Variants in ALKBH8 observed in about 807,000 individuals in gnomAD.
The protein encoded by ALKBH8 is tRNA (carboxymethyluridine(34)-5-O)-methyltransferase ALKBH8.
A neutral mutation model predicts 59.8 loss-of-function variants in ALKBH8; 36 were observed. The observed-to-expected ratio is 0.60, with a 90% CI of 0.46 to 0.79. The LOEUF is 0.79. Among genes scored for constraint, ALKBH8 ranks in the 30% least tolerant of loss-of-function variants. The pLI is 0.00. For missense variants in ALKBH8, 768 were observed against 801.0 expected, an observed-to-expected ratio of 0.96 and a Z score of 0.50; for synonymous variants, 276 against 273.6, an observed-to-expected ratio of 1.01 and a Z score of -0.09.
chr11:107,511,904 C>G (rs1305171307), intron 10 of ALKBH8, among the ~76,000 whole-genome samples: 1 of 151,972 alleles, frequency 6.6e-6, no homozygotes. Context: ...TAAAGCTACT[C>G]TTTTTCTGCT....
intron 1 of ALKBH8, 38 bp downstream of exon 1, chr11:107,565,563 T>A: frequency 6.5e-7 from 1 of 1,535,628 alleles, no homozygotes; most frequent in South Asian, 1.2e-5. Flanking sequence ...AGCGGTGATT[T>A]GCTGCCCGTA....
rs1862275284 is a variant in ALKBH8, at chr11:107,504,010, T to C, written c.*648A>G. 6.5e-6 allele frequency: 1 copy of C among 152,732 alleles called. No homozygotes were observed. Among genetic ancestry groups the C allele is most frequent in the Admixed American group, 6.5e-5 (1 of 15,286 alleles). The allele number at this position is 152,732 out of a possible 1,614,324, so 9.5% of individuals were successfully genotyped here. A position where few individuals can be genotyped will look rare whatever the true frequency, so the allele number is the denominator to read the frequency against. ...CTCCCCGTCTAGAATGTAAGCACCATAAGGGCAAGAGCTTTGCTCTTTCTT... is the reference window on the plus strand; with the variant it reads ...CTCCCCGTCTAGAATGTAAGCACCACAAGGGCAAGAGCTTTGCTCTTTCTT... On this transcript the variant is annotated 3_prime_UTR_variant, in exon 12 of 12. Coordinates refer to ENST00000428149, the MANE Select transcript of ALKBH8 (RefSeq NM_138775.3).
rs190120362 is a variant in ALKBH8 at position 107,562,845 on chromosome 11, G to C, written c.-6-1946C>G. The C allele has an allele frequency of 6.6e-5, 10 of 152,270 alleles. No individual in the cohort carries two copies. In the East Asian group the frequency reaches 1.4e-3, roughly 21 times the overall value. The allele number at this position is 152,270 out of a possible 1,614,324, so 9.4% of individuals were successfully genotyped here. A position where few individuals can be genotyped will look rare whatever the true frequency, so the allele number is the denominator to read the frequency against. On this transcript the variant is annotated intron_variant, in intron 1 of 11. Coordinates refer to ENST00000428149, the MANE Select transcript of ALKBH8 (RefSeq NM_138775.3). ...GGGGCAACAGAAAGAAGCGAAATAGGGGGAGAGGAGAAAGAGGAAGGGTGA... is the reference window on the plus strand; with the variant it reads ...GGGGCAACAGAAAGAAGCGAAATAGCGGGAGAGGAGAAAGAGGAAGGGTGA...
At chr11:107,565,574 T>G in intron 1 of ALKBH8, 27 bp downstream of exon 1, 1 of 1,535,668 alleles carries the variant, frequency 6.5e-7, no homozygotes, top group South Asian at 1.2e-5. Context: ...GCTGCCCGTA[T>G]GCCCGCCAGT....
At position 107,562,180 on chromosome 11, in the gene ALKBH8, T is replaced by A. The variant is rs187126805; in HGVS notation, c.-6-1281A>T. ...CACGTGTGGTGGTGGGCACCTGTAG[T>A]CCCAACTACTTGGGAGGCTGAGGCA... On this transcript the variant is annotated intron_variant, in intron 1 of 11. Coordinates refer to ENST00000428149, the MANE Select transcript of ALKBH8 (RefSeq NM_138775.3). Among the ~76,000 whole-genome samples, 417 of 151,790 alleles carry A rather than the reference T, an allele frequency of 2.7e-3. 3 individuals are homozygous for A. The highest frequency in any genetic ancestry group is 9.9e-3 in the African/African-American group (408 of 41,350).
chr11:107,521,565 G>A (rs1296401805), intron 10 of ALKBH8, among the ~76,000 whole-genome samples: 2 of 151,836 alleles, frequency 1.3e-5, no homozygotes, highest in East Asian at 1.9e-4. Context: ...CTAGAGAAAC[G>A]GAAGCTCCAG....
chr11:107,549,920 T>A (rs552042788), intron 6 of ALKBH8, 97 bp from the exon 7 acceptor site: 2 of 837,190 alleles, frequency 2.4e-6, no homozygotes, highest in Admixed American at 2.6e-5. Context: ...GGTGAAAACA[T>A]TGCTTGGTAA....
rs1863009024 is a variant in ALKBH8, at chr11:107,519,345, T to C, written c.1287+2954A>G. ...GTCTCGAACTCTCAACCTCAGGTGA[T>C]CTGTCCACCTCGGCCTCCCAAAGTG... On this transcript the variant is annotated intron_variant, in intron 10 of 11. Coordinates refer to ENST00000428149, the MANE Select transcript of ALKBH8 (RefSeq NM_138775.3). Among the ~76,000 whole-genome samples the C allele has an allele frequency of 4.6e-5, 7 of 152,130 alleles. No homozygotes were observed. In the South Asian group the frequency reaches 1.4e-3, roughly 32 times the overall value.
At position 107,505,182 on chromosome 11, in the gene ALKBH8, G is replaced by T. The variant is rs543270040; in HGVS notation, c.1471C>A (p.Arg491=). 1 of 1,546,914 alleles carries T rather than the reference G, an allele frequency of 6.5e-7. No homozygotes were observed. Among genetic ancestry groups the T allele is most frequent in the East Asian group, 2.4e-5 (1 of 40,862 alleles). Residue 491 remains arginine, a synonymous_variant, in exon 12 of 12, where the codon CGA becomes AGA. Coordinates refer to ENST00000428149, the MANE Select transcript of ALKBH8 (RefSeq NM_138775.3). ...GCCTTCCCACCTGGTCTCAGGAGTCGAACAATTTCTTGGAGAGCTGCCACT... is the reference window on the plus strand; with the variant it reads ...GCCTTCCCACCTGGTCTCAGGAGTCTAACAATTTCTTGGAGAGCTGCCACT... ...RRVAALQEIV[R]LLRPGGKALI...
intron 10 of ALKBH8, among the ~76,000 whole-genome samples, chr11:107,511,691 C>T (rs368267299): frequency 3.2e-4 from 48 of 152,090 alleles, no homozygotes; most frequent in African/African-American, 1.1e-3. Context: ...ATTCTCCTGC[C>T]TCAGCCTCCT....
intron 3 of ALKBH8, among the ~76,000 whole-genome samples, chr11:107,555,723 CA>C (rs1370452052): frequency 2.0e-5 from 3 of 152,140 alleles, no homozygotes; most frequent in South Asian, 2.1e-4. Context: ...ATATCTAAAA[CA>C]GGGCTCTTTT....
At chr11:107,551,511 T>C (rs1864489240) in intron 6 of ALKBH8, among the ~76,000 whole-genome samples, 1 of 151,912 alleles carries the variant, frequency 6.6e-6, no homozygotes, top group African/African-American at 2.4e-5. Flanking sequence ...CTGGCCAACA[T>C]GGTGAAACCC....
chr11:107,553,170 T>A lies in ALKBH8; in HGVS notation c.533A>T (p.His178Leu). Residue 178 changes from histidine (H) to leucine (L), a missense_variant, in exon 5 of 12, where the codon CAT becomes CTT. Transcript: ENST00000428149. The stretch of plus-strand genomic sequence containing the variant: ...CTCATAGTGGAACTCATAACCAAAA[T>A]GCTTTACTCTTCTGTGTTTTAAGGA... Reference protein sequence around the residue: ...QKSLKHRRVKHFGYEFHYENN... With the variant: ...QKSLKHRRVKLFGYEFHYENN... 1 of 1,609,938 alleles carries A rather than the reference T, an allele frequency of 6.2e-7. No individual in the cohort carries two copies. The highest frequency in any genetic ancestry group is 1.1e-5 in the South Asian group (1 of 90,384).
intron 8 of ALKBH8, among the ~76,000 whole-genome samples, chr11:107,526,876 T>C (rs942517876): frequency 1.3e-5 from 2 of 151,968 alleles, no homozygotes; most frequent in Non-Finnish European, 1.5e-5. Context: ...AAAAATCAAC[T>C]GACCTTGTAT....
chr11:107,544,449 G>A (rs561950324), intron 7 of ALKBH8, among the ~76,000 whole-genome samples: 159 of 152,218 alleles, frequency 1.0e-3, no homozygotes, highest in African/African-American at 3.7e-3. Context: ...AGAGAATGCT[G>A]GCTTCCAAGA....
At chr11:107,530,551 GCCTC>G (rs1490191378) in intron 8 of ALKBH8, among the ~76,000 whole-genome samples, 1 of 136,760 alleles carries the variant, frequency 7.3e-6, no homozygotes, top group East Asian at 2.4e-4. Context: ...TGGTCTCTTT[GCCTC>G]CCTCCCTCCC....
intron 10 of ALKBH8, among the ~76,000 whole-genome samples, chr11:107,520,903 A>G (rs1412686592): frequency 6.6e-6 from 1 of 152,134 alleles, no homozygotes; most frequent in African/African-American, 2.4e-5. Context: ...AAAAATAAAA[A>G]TTCCATCTTT....
intron 7 of ALKBH8, among the ~76,000 whole-genome samples, chr11:107,541,412 G>C (rs1253620444): frequency 1.3e-5 from 2 of 152,168 alleles, no homozygotes; most frequent in African/African-American, 4.8e-5. Context: ...ATTTAATTCA[G>C]CCCTGGTACA....
intron 1 of ALKBH8, among the ~76,000 whole-genome samples, chr11:107,562,104 C>A (rs979300196): frequency 6.6e-6 from 1 of 151,996 alleles, no homozygotes; most frequent in African/African-American, 2.4e-5. Context: ...TCAAGACCAG[C>A]CTGGTCAACA....
Sources: allele counts gnomAD v4.1 joint callset (sites outside exome capture counted in the v4.1 genomes callset), GRCh38; gene constraint gnomAD v4.1.1; transcripts MANE v1.5; gene names NCBI Gene and HGNC (gene_info 2026-07-23, HGNC 2026-07-21).